The following PARP8 variants were observed in gnomAD, a reference collection of about 807,000 sequenced individuals.
The protein encoded by PARP8 is protein mono-ADP-ribosyltransferase PARP8.
Under a neutral mutation model 124.1 loss-of-function variants are expected in PARP8, and 51 were observed. The ratio of observed to expected loss-of-function variants is 0.41; its 90% CI spans 0.33 to 0.52. PARP8 has a LOEUF of 0.52. PARP8 is among the 20% of genes least tolerant of loss of function. The pLI, the probability that PARP8 is intolerant of heterozygous loss-of-function variation, is 0.21. For missense variants in PARP8, 860 were observed against 1,018.9 expected (o/e 0.84, Z 2.12); for synonymous variants, 391 against 361.5 (o/e 1.08, Z -0.93).
intron 11 of PARP8, 129 bp downstream of exon 11, chr5:50,794,461 G>C: frequency 9.9e-7 from 1 of 1,011,256 alleles, no homozygotes; most frequent in South Asian, 2.1e-5. Context: ...AAAAGACTGA[G>C]TTAGATGCAT....
chr5:50,776,996 C>T (rs868414767), intron 7 of PARP8, among the ~76,000 whole-genome samples: 1 of 152,112 alleles, frequency 6.6e-6, no homozygotes, highest in Admixed American at 6.6e-5. Flanking sequence ...AAATGAATGT[C>T]GTAATATTAT....
chr5:50,830,787 C>T (rs1746870435), intron 22 of PARP8, among the ~76,000 whole-genome samples: 1 of 151,186 alleles, frequency 6.6e-6, no homozygotes, highest in Non-Finnish European at 1.5e-5. Context: ...CATATAACTG[C>T]ATATGTAATT....
At chr5:50,781,118 A>T (rs1371712605) in intron 9 of PARP8, among the ~76,000 whole-genome samples, 2 of 151,942 alleles carry the variant, frequency 1.3e-5, no homozygotes, top group Non-Finnish European at 2.9e-5. Flanking sequence ...TAATTCTTTC[A>T]TCCTTCATAT....
rs550967725 is a variant in PARP8, at chr5:50,771,101, C to A, written c.519-6968C>A. The stretch of plus-strand genomic sequence containing the variant: ...TTAAAAATGGAAATGTGCTCTCTCT[C>A]TCTATATATATATATACACACACAC... On this transcript the variant is annotated intron_variant, in intron 7 of 25. Coordinates refer to ENST00000281631, the MANE Select transcript of PARP8 (RefSeq NM_024615.4). Among the ~76,000 whole-genome samples the A allele has an allele frequency of 8.7e-5, 13 of 149,164 alleles. 1 individual carries two copies. The highest frequency in any genetic ancestry group is 3.2e-4 in the African/African-American group (13 of 40,426).
chr5:50,685,554 A>C (rs1469230903), intron 2 of PARP8, among the ~76,000 whole-genome samples: 4 of 152,184 alleles, frequency 2.6e-5, no homozygotes, highest in African/African-American at 9.7e-5. Flanking sequence ...CAAATGAACT[A>C]TCCTGAGGAA....
At chr5:50,815,308 GA>G (rs1744978052) in intron 14 of PARP8, 123 bp from the exon 15 acceptor site, 1 of 618,362 alleles carries the variant, frequency 1.6e-6, no homozygotes, top group Non-Finnish European at 2.6e-6. Flanking sequence ...AAAATGGTAT[GA>G]TTTCCTTTTT....
intron 2 of PARP8, among the ~76,000 whole-genome samples, chr5:50,733,996 A>C (rs1316845782): frequency 6.6e-6 from 1 of 152,216 alleles, no homozygotes; most frequent in Non-Finnish European, 1.5e-5. Flanking sequence ...ACAGTAACTG[A>C]TAACTTTACT....
intron 2 of PARP8, among the ~76,000 whole-genome samples, chr5:50,695,296 C>T (rs975102198): frequency 1.1e-4 from 16 of 152,152 alleles, no homozygotes; most frequent in African/African-American, 3.9e-4. Flanking sequence ...TCATGTAGAT[C>T]TGAACTGTAG....
chr5:50,713,966 A>T (rs1235849032), intron 2 of PARP8, among the ~76,000 whole-genome samples: 1 of 152,060 alleles, frequency 6.6e-6, no homozygotes, highest in Admixed American at 6.6e-5. Context: ...CCCCCCTGAC[A>T]TCTTGATTCT....
At chr5:50,691,913 G>C (rs1255690668) in intron 2 of PARP8, among the ~76,000 whole-genome samples, 2 of 152,066 alleles carry the variant, frequency 1.3e-5, no homozygotes, top group South Asian at 2.1e-4. Context: ...TAATGACCAC[G>C]TTCTTAATGA....
In PARP8 at chr5:50,835,035, T is replaced by A. The variant is rs775430440; in HGVS notation, c.2462+20T>A. ...TTTCGTGTAAGTGGAAATGCTCAAA[T>A]TTGTATATTACTGTCTTTGCCACAA... On this transcript the variant is annotated intron_variant, in intron 25 of 25. Coordinates refer to ENST00000281631, the MANE Select transcript of PARP8 (RefSeq NM_024615.4). 1 of 1,601,422 alleles carries A rather than the reference T, an allele frequency of 6.2e-7. No individual in the cohort carries two copies. The highest frequency in any genetic ancestry group is 1.7e-5 in the Admixed American group (1 of 59,704).
chr5:50,818,549 T>C (rs187890032), intron 15 of PARP8, among the ~76,000 whole-genome samples: 39 of 152,166 alleles, frequency 2.6e-4, no homozygotes, highest in Non-Finnish European at 5.3e-4. Flanking sequence ...TTTTTATTTT[T>C]ATTTGTTTTT....
At chr5:50,825,084 A>G (rs113865385) in intron 18 of PARP8, 109 bp downstream of exon 18, 17 of 884,010 alleles carry the variant, frequency 1.9e-5, no homozygotes, top group African/African-American at 1.9e-4. Context: ...AAGCCCTGCA[A>G]TGCTATAGTT....
chr5:50,834,707 T>C (rs1440083998), intron 24 of PARP8: 11 of 533,784 alleles, frequency 2.1e-5, no homozygotes, highest in Non-Finnish European at 3.4e-5. Flanking sequence ...TGAGTCCCTT[T>C]TTATTGTTAT....
At chr5:50,817,897 G>A (rs975172575) in intron 15 of PARP8, among the ~76,000 whole-genome samples, 3 of 152,226 alleles carry the variant, frequency 2.0e-5, no homozygotes, top group African/African-American at 7.2e-5. Context: ...TGTAGGTAAT[G>A]TAATGTCCTT....
chr5:50,750,100 C>T, intron 2 of PARP8, 51 bp from the exon 3 acceptor site: 1 of 1,381,892 alleles, frequency 7.2e-7, no homozygotes, highest in Non-Finnish European at 1.0e-6. Context: ...TTATAAAAGC[C>T]TGTCTACCTT....
rs34347134 is a variant in PARP8 at position 50,819,427 on chromosome 5, C to CTTTTTT, written c.1669-1761_1669-1756dup. Among the ~76,000 whole-genome samples, 264 of 46,652 alleles carry CTTTTTT rather than the reference C, an allele frequency of 5.7e-3. 17 individuals are homozygous for CTTTTTT. The highest frequency in any genetic ancestry group is 0.013 in the African/African-American group (138 of 10,586). The allele number at this position is 46,652 out of a possible 152,430, so 30.6% of individuals were successfully genotyped here. A position where few individuals can be genotyped will look rare whatever the true frequency, so the allele number is the denominator to read the frequency against. The stretch of plus-strand genomic sequence containing the variant: ...GTCTCAGAAAAGGCTATTTTATCTT[C>CTTTTTT]TTTTTTTTTTTTTTTTTTTTTTTTT... On this transcript the variant is annotated intron_variant, in intron 15 of 25. Coordinates refer to ENST00000281631, the MANE Select transcript of PARP8 (RefSeq NM_024615.4).
intron 3 of PARP8, among the ~76,000 whole-genome samples, chr5:50,754,420 G>A (rs1210469900): frequency 6.6e-6 from 1 of 151,602 alleles, no homozygotes; most frequent in Non-Finnish European, 1.5e-5. Context: ...ACCTATGAGT[G>A]AGAACATGTG....
At chr5:50,694,826 A>T (rs1184298106) in intron 2 of PARP8, among the ~76,000 whole-genome samples, 1 of 152,204 alleles carries the variant, frequency 6.6e-6, no homozygotes, top group Non-Finnish European at 1.5e-5. Context: ...CCAACAGTGC[A>T]GCCTTCAGTC....
Sources: allele counts gnomAD v4.1 joint callset (sites outside exome capture counted in the v4.1 genomes callset), GRCh38; gene constraint gnomAD v4.1.1; transcripts MANE v1.5; gene names NCBI Gene and HGNC (gene_info 2026-07-23, HGNC 2026-07-21).